The following MAST1 variants were observed in gnomAD, a reference collection of about 807,000 sequenced individuals.
MAST1 encodes the protein microtubule associated serine/threonine kinase 1.
MAST1 carries 40 observed loss-of-function variants against 124.6 expected under a neutral mutation model. The observed-to-expected ratio is 0.32, with a 90% CI of 0.25 to 0.42. The LOEUF is 0.42. Ranked by LOEUF, MAST1 falls within the 10% of genes least tolerant of loss-of-function variation. The pLI, the probability that MAST1 is intolerant of heterozygous loss-of-function variation, is 1.00. For missense variants in MAST1, 1,558 were observed against 2,181.9 expected (o/e 0.71, Z 5.70); for synonymous variants, 938 against 939.4 (o/e 1.00, Z 0.03).
chr19:12,865,660 T>A lies in MAST1; in HGVS notation c.1805-57T>A. The A allele has an allele frequency of 6.7e-7, 1 of 1,496,454 alleles. No homozygotes were observed. The highest frequency in any genetic ancestry group is 1.2e-5 in the South Asian group (1 of 81,994). The allele number at this position is 1,496,454 out of a possible 1,614,324, so 92.7% of individuals were successfully genotyped here. A position where few individuals can be genotyped will look rare whatever the true frequency, so the allele number is the denominator to read the frequency against. On this transcript the variant is annotated intron_variant, in intron 15 of 25. Transcript: ENST00000251472. The surrounding 1 kb of genome is among the most constrained non-coding windows in gnomAD (Gnocchi z 7.1). ...CCAGCTGGGTGACACAGTGAGATCC[T>A]GTGTCCAAACAACAACAACAACAAA...
At position 12,866,594 on chromosome 19, in the gene MAST1, G is replaced by GA. The variant is rs1970157243; in HGVS notation, c.2030-59_2030-58insA. 8.9e-7 allele frequency: 1 copy of GA among 1,124,162 alleles called. No individual in the cohort carries two copies. The highest frequency in any genetic ancestry group is 1.5e-5 in the African/African-American group (1 of 64,842). 69.6% of individuals were successfully genotyped at this position (1,124,162 alleles called of 1,614,324 possible). A position where few individuals can be genotyped will look rare whatever the true frequency, so the allele number is the denominator to read the frequency against. On this transcript the variant is annotated intron_variant, in intron 17 of 25. Coordinates refer to ENST00000251472, the MANE Select transcript of MAST1 (RefSeq NM_014975.3). The surrounding 1 kb of genome is among the most constrained non-coding windows in gnomAD (Gnocchi z 5.2). ...CTTGAACCAGGACTGGGCTCCTGTG[G>GA]GGATGTGATATGAGGAGGAACCCCG...
chr19:12,874,699 A>C lies in MAST1; in HGVS notation c.4542A>C (p.Pro1514=). 1 of 1,572,026 alleles carries C rather than the reference A, an allele frequency of 6.4e-7. No individual in the cohort carries two copies. The highest frequency in any genetic ancestry group is 2.3e-5 in the East Asian group (1 of 44,056). ...AGCCCCAGACACCCTCCCTAGCCCC[A>C]GCGAAGTGCAGTGCACCCAGCAGTG... ...SPEPQTPSLA[P]AKCSAPSSAV... is the part of the protein sequence containing the mutation. Residue 1514 remains proline, a synonymous_variant, in exon 26 of 26, where the codon CCA becomes CCC. Coordinates refer to ENST00000251472, the MANE Select transcript of MAST1 (RefSeq NM_014975.3). This position sits in a 1 kb window ranked among gnomAD's most constrained non-coding sequence, Gnocchi z 6.6.
Position 12,874,276 on chromosome 19 carries a change from C to T in MAST1, c.4119C>T (p.Arg1373=), listed in dbSNP as rs1413562286. Residue 1373 remains arginine (R), a synonymous_variant, in exon 26 of 26, where the codon CGC becomes CGT. Coordinates refer to ENST00000251472, the MANE Select transcript of MAST1 (RefSeq NM_014975.3). This position sits in a 1 kb window ranked among gnomAD's most constrained non-coding sequence, Gnocchi z 6.6. ...PGGAEACTPP[R]ATTPGGRTLE... Reference sequence around the variant, plus strand: ...GCGCCGAGGCGTGCACCCCACCCCGCGCGACGACCCCCGGTGGCCGGACCC... The same window carrying T: ...GCGCCGAGGCGTGCACCCCACCCCGTGCGACGACCCCCGGTGGCCGGACCC... 10 of 1,585,684 alleles carry T rather than the reference C, an allele frequency of 6.3e-6. No individual in the cohort carries two copies. Among genetic ancestry groups the T allele is most frequent in the Non-Finnish European group, 8.5e-6 (10 of 1,171,760 alleles).
intron 4 of MAST1, among the ~76,000 whole-genome samples, chr19:12,846,041 G>A (rs1969890850): frequency 6.6e-6 from 1 of 151,902 alleles, no homozygotes; most frequent in Admixed American, 6.6e-5. Flanking sequence ...AACATAGAGA[G>A]ACCCTGTCTC....
chr19:12,863,792 C>T (rs1220598938), intron 12 of MAST1, among the ~76,000 whole-genome samples: 1 of 152,136 alleles, frequency 6.6e-6, no homozygotes, highest in East Asian at 1.9e-4. Context: ...ATACCAATGC[C>T]AATTACAGTA....
intron 18 of MAST1, among the ~76,000 whole-genome samples, chr19:12,867,007 C>T (rs752229938): frequency 1.9e-5 from 2 of 107,304 alleles, no homozygotes; most frequent in Non-Finnish European, 3.8e-5. Context: ...CATGGTGGGG[C>T]GGGGCTAGGT....
chr19:12,866,806 G>A lies in MAST1; in HGVS notation c.2139+44G>A. On this transcript the variant is annotated intron_variant, in intron 18 of 25. Transcript: ENST00000251472. The surrounding 1 kb of genome is among the most constrained non-coding windows in gnomAD (Gnocchi z 5.2). ...TGGGACAGGGCGAGACCCCAGGAGG[G>A]ATGGGGCTTGGAGAGACAGTGAGAA... 1 of 1,503,244 alleles carries A rather than the reference G, an allele frequency of 6.7e-7. No individual in the cohort carries two copies. Among genetic ancestry groups the A allele is most frequent in the Non-Finnish European group, 9.2e-7 (1 of 1,089,354 alleles). 93.1% of individuals were successfully genotyped at this position (1,503,244 alleles called of 1,614,324 possible). A position where few individuals can be genotyped will look rare whatever the true frequency, so the allele number is the denominator to read the frequency against.
rs773711736 is a variant in MAST1 at position 12,867,836 on chromosome 19, G to T, written c.2425G>T (p.Ala809Ser). The change falls in exon 20 of 26, where the codon GCC (alanine) becomes TCC (serine). Residue 809 changes from alanine (A) to serine (S), a missense_variant. Around this residue, in one of 10 missense-constraint regions of MAST1, gnomAD observed 287 missense variants for 308.0 expected, o/e 0.93. Transcript: ENST00000251472. ...SALLEPSRFS[A>S]PQEDEDEARL... is the part of the protein sequence containing the mutation. ...GCTGCTGGAGCCCAGCCGCTTCAGC[G>T]CCCCCCAAGAGGACGAGGATGAGGC... 6.2e-7 allele frequency: 1 copy of T among 1,600,814 alleles called. No individual in the cohort carries two copies. The highest frequency in any genetic ancestry group is 2.3e-5 in the East Asian group (1 of 44,164).
At chr19:12,864,770 T>C (rs1290307747) in intron 12 of MAST1, 39 bp from the exon 13 acceptor site, 1 of 1,611,464 alleles carries the variant, frequency 6.2e-7, no homozygotes. Flanking sequence ...GAGAGAGGAA[T>C]GCCTCCCTTT....
rs1970222931 is a variant in MAST1, at chr19:12,870,723, AT to A, written c.3004-99del. 3.2e-6 allele frequency: 4 copies of A among 1,251,810 alleles called. No homozygotes were observed. In the South Asian group the frequency reaches 5.0e-5, roughly 16 times the overall value. The allele number at this position is 1,251,810 out of a possible 1,614,324, so 77.5% of individuals were successfully genotyped here. ...AACTATTTCACAAGGTGTTATGAGGATTCTAATGCATGCAGAGCTAAGTGTC... is the reference window on the plus strand; with the variant it reads ...AACTATTTCACAAGGTGTTATGAGGATCTAATGCATGCAGAGCTAAGTGTC... On this transcript the variant is annotated intron_variant, in intron 22 of 25. Transcript: ENST00000251472.
intron 10 of MAST1, among the ~76,000 whole-genome samples, chr19:12,856,994 G>T (rs1970024623): frequency 6.6e-6 from 1 of 152,178 alleles, no homozygotes; most frequent in African/African-American, 2.4e-5. Context: ...GAGGATATCA[G>T]GTTTTGGAGT....
chr19:12,858,509 T>A (rs1359737903), intron 11 of MAST1, 22 bp from the exon 12 acceptor site: 3 of 1,612,704 alleles, frequency 1.9e-6, no homozygotes, highest in Admixed American at 3.3e-5. Context: ...TGACGGCCGG[T>A]CCTCGCTCTC....
chr19:12,848,241 G>T lies in MAST1; in HGVS notation c.774+184G>T, dbSNP rs865928337. 55 of 600,030 alleles carry T rather than the reference G, an allele frequency of 9.2e-5. No homozygotes were observed. In the Middle Eastern group the frequency reaches 2.6e-3, roughly 28 times the overall value. The allele number at this position is 600,030 out of a possible 1,614,324, so 37.2% of individuals were successfully genotyped here. A position where few individuals can be genotyped will look rare whatever the true frequency, so the allele number is the denominator to read the frequency against. On this transcript the variant is annotated intron_variant, in intron 7 of 25. Transcript: ENST00000251472. ...TAGGTCTGACCGACTGAAGAGGCAG[G>T]AATTTCACCTCGCTCATTTCCCTTA...
Position 12,858,682 on chromosome 19 carries a change from A to T in MAST1, c.1309A>T (p.Met437Leu). The T allele has an allele frequency of 6.2e-7, 1 of 1,614,174 alleles. No homozygotes were observed. Among genetic ancestry groups the T allele is most frequent in the South Asian group, 1.1e-5 (1 of 91,080 alleles). ...CGCCGAGAACCCGTTTGTGGTCGGC[A>T]TGTTCTGCTCCTTTGAGACTCGGCG... is the stretch of plus-strand genomic sequence containing the variant. ...TFAENPFVVG[M>L]FCSFETRRHL... The change falls in exon 12 of 26, where the codon ATG (methionine) becomes TTG (leucine). Residue 437 changes from methionine (M) to leucine (L), a missense_variant. Coordinates refer to ENST00000251472, the MANE Select transcript of MAST1 (RefSeq NM_014975.3).
In MAST1 at chr19:12,873,847, C is replaced by T. The variant is rs1334246565; in HGVS notation, c.3690C>T (p.His1230=). The T allele has an allele frequency of 1.3e-6, 2 of 1,587,914 alleles. No individual in the cohort carries two copies. Among genetic ancestry groups the T allele is most frequent in the African/African-American group, 1.3e-5 (1 of 74,794 alleles). Residue 1230 remains histidine (H), a synonymous_variant, in exon 26 of 26, where the codon CAC becomes CAT. Coordinates refer to ENST00000251472, the MANE Select transcript of MAST1 (RefSeq NM_014975.3). The part of the protein sequence containing the change: ...PLPGHTVGSS[H]TTQSFPAKLH... Reference sequence around the variant, plus strand: ...CGGGCCACACGGTGGGCAGCTCGCACACTACTCAGAGCTTCCCGGCCAAAC... The same window carrying T: ...CGGGCCACACGGTGGGCAGCTCGCATACTACTCAGAGCTTCCCGGCCAAAC...
At position 12,874,057 on chromosome 19, in the gene MAST1, C is replaced by G. The variant is rs1365365057; in HGVS notation, c.3900C>G (p.Gly1300=). 5 of 1,598,938 alleles carry G rather than the reference C, an allele frequency of 3.1e-6. No homozygotes were observed. Among genetic ancestry groups the G allele is most frequent in the East Asian group, 4.5e-5 (2 of 44,404 alleles). ...CGGATTTCCGCAAGGACTTCCATGG[C>G]GAGCTGGCGCTGCATAGCCTTGCCG... ...GHPDFRKDFH[G]ELALHSLAES... is the part of the protein sequence containing the mutation. The change falls in exon 26 of 26, where the codon GGC becomes GGG. Residue 1300 remains glycine, a synonymous_variant. Transcript: ENST00000251472. This position sits in a 1 kb window ranked among gnomAD's most constrained non-coding sequence, Gnocchi z 6.6.
In MAST1 at chr19:12,847,110, C is replaced by T. The variant is rs538784498; in HGVS notation, c.328-180C>T. 3,161 of 595,706 alleles carry T rather than the reference C, an allele frequency of 5.3e-3. 10 individuals are homozygous for T. The highest frequency in any genetic ancestry group is 9.1e-3 in the South Asian group (461 of 50,420). The allele number at this position is 595,706 out of a possible 1,614,324, so 36.9% of individuals were successfully genotyped here. A position where few individuals can be genotyped will look rare whatever the true frequency, so the allele number is the denominator to read the frequency against. On this transcript the variant is annotated intron_variant, in intron 4 of 25. Coordinates refer to ENST00000251472, the MANE Select transcript of MAST1 (RefSeq NM_014975.3). The surrounding 1 kb of genome is among the most constrained non-coding windows in gnomAD (Gnocchi z 5.5). The stretch of plus-strand genomic sequence containing the variant: ...CTCACTGTCTCCACCCCTGTCTGTC[C>T]CTGTCCACCTGTCTGTGGCCAAGAG...
intron 24 of MAST1, 101 bp from the exon 25 acceptor site, chr19:12,873,223 C>A: frequency 8.6e-7 from 1 of 1,161,840 alleles, no homozygotes; most frequent in African/African-American, 1.5e-5. Flanking sequence ...AGGGAAGGGC[C>A]AGAAGGGGTG....
Position 12,865,341 on chromosome 19 carries a change from C to T in MAST1, c.1664C>T (p.Ala555Val), listed in dbSNP as rs779742364. Reference protein sequence around the residue: ...KQVCGTPEYIAPEVILRQGYG... With the variant: ...KQVCGTPEYIVPEVILRQGYG... ...GTGTGTGGGACCCCAGAGTACATCGCGCCCGAGGTCATCCTGCGTCAAGGC... is the reference window on the plus strand; with the variant it reads ...GTGTGTGGGACCCCAGAGTACATCGTGCCCGAGGTCATCCTGCGTCAAGGC... The change falls in exon 15 of 26, where the codon GCG becomes GTG. Residue 555 changes from alanine (A) to valine (V), a missense_variant. Transcript: ENST00000251472. This position sits in a 1 kb window ranked among gnomAD's most constrained non-coding sequence, Gnocchi z 7.1. 6.2e-7 allele frequency: 1 copy of T among 1,602,674 alleles called. No homozygotes were observed. The highest frequency in any genetic ancestry group is 1.3e-5 in the African/African-American group (1 of 74,816).
Sources: allele counts gnomAD v4.1 joint callset (sites outside exome capture counted in the v4.1 genomes callset), GRCh38; gene constraint gnomAD v4.1.1; regional missense constraint gnomAD v4.1.1; non-coding constraint Gnocchi (gnomAD v3.1); transcripts MANE v1.5; gene names NCBI Gene and HGNC (gene_info 2026-07-23, HGNC 2026-07-21).